FMC1: variants seen among roughly 807,000 people sequenced by gnomAD.
The protein encoded by FMC1 is formation of mitochondrial complex V assembly factor 1.
Under a neutral mutation model 10.5 loss-of-function variants are expected in FMC1, and 6 were observed. The observed-to-expected ratio is 0.57, with a 90% CI of 0.31 to 1.12. The LOEUF is 1.12. Among genes scored for constraint, FMC1 ranks in the 50% most tolerant of loss-of-function variants. The probability of loss-of-function intolerance (pLI) is 0.05; values close to 1 mark genes in which losing one functional copy is unlikely to be tolerated. For synonymous variants in FMC1, 59 were observed against 62.1 expected (o/e 0.95, Z 0.24); for missense variants, 146 against 151.7 (o/e 0.96, Z 0.20).
In FMC1 at chr7:139,345,632, G is replaced by A. The variant is rs778721535; in HGVS notation, c.270G>A (p.Ser90=). ...HQEFHGKGER[S]VEESAGLVGL... ...AATTTCATGGCAAGGGTGAGCGCTC[G>A]GTGGAGGAGTCTGCTGGCTTGGTGG... The change falls in exon 2 of 2, where the codon TCG becomes TCA. Residue 90 remains serine, a synonymous_variant. Coordinates refer to ENST00000297534, the MANE Select transcript of FMC1 (RefSeq NM_197964.5). 3.7e-6 allele frequency: 6 copies of A among 1,614,146 alleles called. No homozygotes were observed. Among genetic ancestry groups the A allele is most frequent in the East Asian group, 2.2e-5 (1 of 44,870 alleles).
intron 1 of FMC1, chr7:139,344,880 T>A (rs1799197828): frequency 6.7e-6 from 1 of 149,814 alleles, no homozygotes. Flanking sequence ...TTTTTTTTTT[T>A]TTTTTTGGAT....
upstream of FMC1, chr7:139,340,695 C>T (rs763465046): frequency 4.8e-4 from 190 of 391,828 alleles, no homozygotes; most frequent in Middle Eastern, 3.2e-3. Context: ...GCGTCGTTTG[C>T]AGAAGCCCCA....
upstream of FMC1, among the ~76,000 whole-genome samples, chr7:139,340,795 T>TC (rs1243473887): frequency 6.6e-5 from 10 of 151,978 alleles, no homozygotes; most frequent in African/African-American, 2.2e-4. Context: ...TGTCCTTTTT[T>TC]CCCCTTTCTA....
rs1799258184 is a variant in FMC1 at position 139,346,053 on chromosome 7, C to T, written c.*349C>T. ...GGGAGTTCGCGACCAGCCTGACCAA[C>T]ATGGAAAAACCCCGTCTCTACTAAA... On this transcript the variant is annotated 3_prime_UTR_variant, in exon 2 of 2. Coordinates refer to ENST00000297534, the MANE Select transcript of FMC1 (RefSeq NM_197964.5). 1.2e-5 allele frequency: 2 copies of T among 162,884 alleles called. No homozygotes were observed. The highest frequency in any genetic ancestry group is 3.1e-4 in the South Asian group (2 of 6,428). 10.1% of individuals were successfully genotyped at this position (162,884 alleles called of 1,614,324 possible). A position where few individuals can be genotyped will look rare whatever the true frequency, so the allele number is the denominator to read the frequency against.
At chr7:139,345,310 C>T (rs1268242295) in intron 1 of FMC1, among the ~76,000 whole-genome samples, 191 bp from the exon 2 acceptor site, 1 of 152,178 alleles carries the variant, frequency 6.6e-6, no homozygotes, top group African/African-American at 2.4e-5. Flanking sequence ...AAAATCCGAA[C>T]TAGAGGTCAG....
In FMC1 at chr7:139,346,062, A is replaced by G; in HGVS notation, c.*358A>G. On this transcript the variant is annotated 3_prime_UTR_variant, in exon 2 of 2. Transcript: ENST00000297534. ...CGACCAGCCTGACCAACATGGAAAA[A>G]CCCCGTCTCTACTAAAAATACAAAA... 1 of 157,886 alleles carries G rather than the reference A, an allele frequency of 6.3e-6. No homozygotes were observed. The highest frequency in any genetic ancestry group is 1.4e-5 in the Non-Finnish European group (1 of 72,008). 9.8% of individuals were successfully genotyped at this position (157,886 alleles called of 1,614,324 possible).
chr7:139,342,565 CG>C (rs1164020898), intron 1 of FMC1, among the ~76,000 whole-genome samples: 2 of 152,082 alleles, frequency 1.3e-5, no homozygotes, highest in Non-Finnish European at 2.9e-5. Flanking sequence ...CAGGTTCAAG[CG>C]ATTCTCCTGC....
In FMC1 at chr7:139,341,364, C is replaced by A. The variant is rs746030576; in HGVS notation, c.-21C>A. ...GGTCGTAGGACGCCGTTGGGCACCA[C>A]GCTCGGAGAAGGACAGGACAATGGC... On this transcript the variant is annotated 5_prime_UTR_variant, in exon 1 of 2. Transcript: ENST00000297534. 1 of 1,596,096 alleles carries A rather than the reference C, an allele frequency of 6.3e-7. No homozygotes were observed. The highest frequency in any genetic ancestry group is 1.3e-5 in the African/African-American group (1 of 74,602).
intron 1 of FMC1, among the ~76,000 whole-genome samples, chr7:139,342,745 A>G (rs1436997236): frequency 1.3e-5 from 2 of 152,236 alleles, no homozygotes; most frequent in African/African-American, 4.8e-5. Flanking sequence ...TACAGGCGTG[A>G]ACTATCAAAC....
At chr7:139,342,996 T>G (rs1230583968) in intron 1 of FMC1, among the ~76,000 whole-genome samples, 2 of 152,214 alleles carry the variant, frequency 1.3e-5, no homozygotes, top group Non-Finnish European at 2.9e-5. Context: ...GGGATTCTAT[T>G]AGGGAGAAAC....
Position 139,345,546 on chromosome 7 carries a change from C to A in FMC1, c.184C>A (p.Gln62Lys). ...CAGAGCCCAACATGAGCTTCATTTC[C>A]AAGCTGCCACCTATCTCTGCCTCCT... ...LCRAQHELHF[Q>K]AATYLCLLRS... Residue 62 changes from glutamine (Q) to lysine (K), a missense_variant, in exon 2 of 2, where the codon CAA (glutamine) becomes AAA (lysine). Gln to Lys is a moderately conservative substitution (Grantham distance 53). Coordinates refer to ENST00000297534, the MANE Select transcript of FMC1 (RefSeq NM_197964.5). The A allele has an allele frequency of 6.2e-7, 1 of 1,614,148 alleles. No homozygotes were observed. Among genetic ancestry groups the A allele is most frequent in the Non-Finnish European group, 8.5e-7 (1 of 1,180,030 alleles).
At chr7:139,340,929 C>T (rs1247559591), upstream of FMC1, among the ~76,000 whole-genome samples, 1 of 152,008 alleles carries the variant, frequency 6.6e-6, no homozygotes, top group East Asian at 1.9e-4. Context: ...TTGTCTGAGC[C>T]GCAGGTCCCC....
intron 1 of FMC1, among the ~76,000 whole-genome samples, chr7:139,343,421 T>C (rs2131139273): frequency 6.6e-6 from 1 of 152,158 alleles, no homozygotes; most frequent in East Asian, 1.9e-4. Context: ...TCCAAAAAAT[T>C]TGAAAATTAT....
chr7:139,344,713 T>G (rs2131143872), intron 1 of FMC1, among the ~76,000 whole-genome samples: 1 of 145,668 alleles, frequency 6.9e-6, no homozygotes, highest in South Asian at 2.3e-4. Flanking sequence ...TTTTTTTTTT[T>G]TTTTGTTGAG....
At chr7:139,344,480 A>G (rs986736745) in intron 1 of FMC1, among the ~76,000 whole-genome samples, 10 of 152,210 alleles carry the variant, frequency 6.6e-5, no homozygotes, top group Admixed American at 3.3e-4. Context: ...ATGACAAAAC[A>G]TATGTTTGGT....
At chr7:139,340,543 G>T, upstream of FMC1, 1 of 398,408 alleles carries the variant, frequency 2.5e-6, no homozygotes, top group South Asian at 1.3e-4. Context: ...CGGTGATGTG[G>T]ACTTTTGTTC....
chr7:139,343,770 A>G (rs1425115033), intron 1 of FMC1, among the ~76,000 whole-genome samples: 1 of 151,980 alleles, frequency 6.6e-6, no homozygotes, highest in Non-Finnish European at 1.5e-5. Context: ...CCCTGTTTGT[A>G]TAAAAAATAC....
At chr7:139,340,495 G>A (rs1030416667), upstream of FMC1, 3 of 398,446 alleles carry the variant, frequency 7.5e-6, no homozygotes, top group African/African-American at 2.1e-5. Context: ...TTCAACGTCC[G>A]GAGCATCGGT....
chr7:139,344,700 T>A (rs28670849), intron 1 of FMC1, among the ~76,000 whole-genome samples: 1 of 142,382 alleles, frequency 7.0e-6, no homozygotes, highest in Non-Finnish European at 1.5e-5. Context: ...TCTTTCTTTT[T>A]TTTTTTTTTT....
Sources: gnomAD v4.1 joint callset for allele counts (sites outside exome capture counted in the v4.1 genomes callset) on GRCh38, gnomAD v4.1.1 for gene constraint, MANE v1.5 for transcripts, NCBI Gene and HGNC (gene_info 2026-07-23, HGNC 2026-07-21) for gene names.